The following HECW1 variants were observed in gnomAD, a reference collection of about 807,000 sequenced individuals.
HECW1 encodes E3 ubiquitin-protein ligase HECW1.
HECW1 carries 61 observed loss-of-function variants against 182.3 expected under a neutral mutation model. That is an observed-to-expected ratio of 0.33 (90% confidence interval 0.27 to 0.41). The LOEUF (loss-of-function observed/expected upper bound fraction) is 0.41, where lower values mean the gene tolerates loss of function less well. HECW1 is among the 10% of genes least tolerant of loss of function. The pLI is 1.00. For synonymous variants in HECW1, 859 were observed against 832.6 expected (o/e 1.03, Z -0.55); for missense variants, 1,739 against 2,108.9 (o/e 0.82, Z 3.44).
chr7:43,146,509 T>C (rs1239216614), intron 2 of HECW1, among the ~76,000 whole-genome samples: 4 of 152,236 alleles, frequency 2.6e-5, no homozygotes, highest in Admixed American at 1.3e-4. Context: ...GAATAAGCCT[T>C]AACTGGTGAA....
At chr7:43,428,282 T>G (rs1304412109) in intron 8 of HECW1, among the ~76,000 whole-genome samples, 1 of 151,906 alleles carries the variant, frequency 6.6e-6, no homozygotes, top group Non-Finnish European at 1.5e-5. Flanking sequence ...CATAAAGGAG[T>G]ATATTTAAGC....
chr7:43,172,172 T>C (rs1396552798), intron 2 of HECW1, among the ~76,000 whole-genome samples: 1 of 150,612 alleles, frequency 6.6e-6, no homozygotes, highest in Non-Finnish European at 1.5e-5. Context: ...GGGGGATGTG[T>C]AATCTCAGCT....
intron 2 of HECW1, among the ~76,000 whole-genome samples, chr7:43,184,017 A>ATT (rs1367543317): frequency 2.0e-5 from 3 of 151,146 alleles, no homozygotes; most frequent in African/African-American, 7.3e-5. Flanking sequence ...TATTATTATT[A>ATT]TTATTTTTTT....
chr7:43,173,324 G>C (rs1791876179), intron 2 of HECW1, among the ~76,000 whole-genome samples: 1 of 152,196 alleles, frequency 6.6e-6, no homozygotes, highest in Non-Finnish European at 1.5e-5. Context: ...TGGTTTCCTT[G>C]GGGCCAGTCA....
chr7:43,497,562 T>C (rs2079167298), intron 19 of HECW1, among the ~76,000 whole-genome samples: 1 of 152,018 alleles, frequency 6.6e-6, no homozygotes, highest in South Asian at 2.1e-4. Context: ...TTTAGGCAGC[T>C]CTGTGGGGAA....
chr7:43,217,292 T>C (rs1477703676), intron 2 of HECW1, among the ~76,000 whole-genome samples: 1 of 152,222 alleles, frequency 6.6e-6, no homozygotes, highest in Non-Finnish European at 1.5e-5. Flanking sequence ...CCCACTACTG[T>C]AAATTAAAAT....
At chr7:43,160,131 CTT>C in intron 2 of HECW1, among the ~76,000 whole-genome samples, 1 of 152,184 alleles carries the variant, frequency 6.6e-6, no homozygotes, top group Admixed American at 6.5e-5. Flanking sequence ...TCCCTTTGCA[CTT>C]ACTGATTTGT....
chr7:43,182,229 G>A (rs6944389), intron 2 of HECW1, among the ~76,000 whole-genome samples: 36,722 of 152,120 alleles, frequency 0.24, 4,624 homozygotes, highest in Middle Eastern at 0.27. Context: ...TATTTAACCA[G>A]TCCAATGTCA....
chr7:43,354,627 A>C (rs1475657770), intron 5 of HECW1, among the ~76,000 whole-genome samples: 2 of 152,192 alleles, frequency 1.3e-5, no homozygotes, highest in African/African-American at 4.8e-5. Context: ...AAAAGAAAAA[A>C]CAATAAAAAG....
chr7:43,297,973 C>G (rs1256353065), intron 3 of HECW1, among the ~76,000 whole-genome samples: 2 of 152,106 alleles, frequency 1.3e-5, no homozygotes, highest in Admixed American at 1.3e-4. Context: ...ACTCAAAAAG[C>G]TGAGGCAGAA....
intron 3 of HECW1, among the ~76,000 whole-genome samples, chr7:43,250,341 G>A (rs745766512): frequency 3.3e-5 from 5 of 152,176 alleles, no homozygotes; most frequent in Non-Finnish European, 7.3e-5. Flanking sequence ...GTAGATGGGA[G>A]CATGGACCAG....
chr7:43,338,053 C>T (rs1562856263), intron 5 of HECW1, among the ~76,000 whole-genome samples: 2 of 152,204 alleles, frequency 1.3e-5, no homozygotes, highest in African/African-American at 2.4e-5. Flanking sequence ...AGTCCTCCAC[C>T]ATCTGACCAG....
chr7:43,496,981 T>G (rs2079145024), intron 19 of HECW1, among the ~76,000 whole-genome samples: 1 of 152,140 alleles, frequency 6.6e-6, no homozygotes, highest in Non-Finnish European at 1.5e-5. Context: ...TACAATCTAC[T>G]GAGGGAGACA....
chr7:43,127,096 A>G (rs763465990), intron 2 of HECW1, among the ~76,000 whole-genome samples: 11 of 152,222 alleles, frequency 7.2e-5, no homozygotes, highest in Admixed American at 5.9e-4. Flanking sequence ...CTTAGTGAGG[A>G]CGGCATGTCA....
At chr7:43,122,062 TTTTA>T (rs1562764695) in intron 2 of HECW1, 1 of 152,134 alleles carries the variant, frequency 6.6e-6, no homozygotes, top group Non-Finnish European at 1.5e-5. Context: ...AAGGACAGAT[TTTTA>T]TTTGTTTGTT....
chr7:43,548,500 G>A (rs371125301), intron 26 of HECW1, among the ~76,000 whole-genome samples: 6 of 152,296 alleles, frequency 3.9e-5, no homozygotes, highest in Middle Eastern at 3.4e-3. Context: ...TTGAATTGCA[G>A]CCCTTCTTTT....
chr7:43,286,057 C>T (rs1804597118), intron 3 of HECW1, among the ~76,000 whole-genome samples: 1 of 152,036 alleles, frequency 6.6e-6, no homozygotes, highest in Admixed American at 6.5e-5. Flanking sequence ...ATCAGAGAGA[C>T]CTTCGAGCCA....
chr7:43,338,723 C>T (rs565757803), intron 5 of HECW1, among the ~76,000 whole-genome samples: 13 of 152,182 alleles, frequency 8.5e-5, no homozygotes, highest in East Asian at 3.9e-4. Flanking sequence ...ACGTAAACAG[C>T]GCTCAAATCA....
intron 6 of HECW1, among the ~76,000 whole-genome samples, chr7:43,376,226 T>C (rs999936922): frequency 1.6e-4 from 24 of 151,948 alleles, no homozygotes; most frequent in African/African-American, 5.5e-4. Context: ...ATTTAAAAAG[T>C]AAAATAGTAC....
Sources: allele counts gnomAD v4.1 joint callset (sites outside exome capture counted in the v4.1 genomes callset), GRCh38; gene constraint gnomAD v4.1.1; transcripts MANE v1.5; gene names NCBI Gene and HGNC (gene_info 2026-07-23, HGNC 2026-07-21).